TMEM26: variants seen among roughly 807,000 people sequenced by gnomAD.
TMEM26 encodes transmembrane protein 26.
In TMEM26, 38 loss-of-function variants were observed where a neutral mutation model predicts 28.8. That is an observed-to-expected ratio of 1.32 (90% confidence interval 1.02 to 1.73). TMEM26 has a LOEUF of 1.73. TMEM26 is among the 40% of genes most tolerant of loss of function. TMEM26 has a pLI of 0.00. For synonymous variants in TMEM26, 227 were observed against 182.9 expected, an observed-to-expected ratio of 1.24 and a Z score of -1.95; for missense variants, 518 against 447.1, an observed-to-expected ratio of 1.16 and a Z score of -1.43.
intron 4 of TMEM26, chr10:61,414,932 T>A (rs1839626383): frequency 1.0e-6 from 1 of 955,104 alleles, no homozygotes; most frequent in Non-Finnish European, 1.2e-6. Flanking sequence ...ATATTCCAGG[T>A]GTGAATACTG....
intron 4 of TMEM26, among the ~76,000 whole-genome samples, chr10:61,417,755 G>A (rs376615682): frequency 6.6e-6 from 1 of 151,940 alleles, no homozygotes; most frequent in African/African-American, 2.4e-5. Flanking sequence ...ACTGCACAAA[G>A]TGATCTCCAA....
chr10:61,423,598 G>T (rs546386301), intron 4 of TMEM26, among the ~76,000 whole-genome samples: 1 of 152,144 alleles, frequency 6.6e-6, no homozygotes, highest in East Asian at 1.9e-4. Context: ...CAAATTAGCC[G>T]GTGAGGGCCT....
intron 1 of TMEM26, among the ~76,000 whole-genome samples, chr10:61,444,037 C>T (rs1166524378): frequency 1.3e-5 from 2 of 152,132 alleles, no homozygotes; most frequent in African/African-American, 4.8e-5. Context: ...ACCTGAAAAG[C>T]ACATCTTTCT....
rs1262403119 is a variant in TMEM26 at position 61,429,048 on chromosome 10, C to A, written c.483G>T (p.Trp161Cys). ...TGATCCCGCCTCCAATGGGTAGAAG[C>A]CATCTTCCAATTATTAGCATTAACA... ...TFLLMLIIGR[W>C]LLPIGGGITR... Residue 161 changes from tryptophan (W) to cysteine (C), a missense_variant, in exon 4 of 6, where the codon TGG becomes TGT. Transcript: ENST00000399298. 3 of 1,613,346 alleles carry A rather than the reference C, an allele frequency of 1.9e-6. No individual in the cohort carries two copies. In the Admixed American group the frequency reaches 5.0e-5, roughly 27 times the overall value.
At chr10:61,428,358 A>C (rs938408343) in intron 4 of TMEM26, among the ~76,000 whole-genome samples, 2 of 152,114 alleles carry the variant, frequency 1.3e-5, no homozygotes, top group Admixed American at 6.6e-5. Context: ...AGGCCTCTAC[A>C]CCAGAAAGCC....
Position 61,420,141 on chromosome 10 carries a change from GTAT to G in TMEM26, c.606-6609_606-6607del, listed in dbSNP as rs1214475690. ...TTAACACATATTTTGTATGTTATAT[GTAT>G]TACACACTTTATTTTTATAATAAAG... On this transcript the variant is annotated intron_variant, in intron 4 of 5. Coordinates refer to ENST00000399298, the MANE Select transcript of TMEM26 (RefSeq NM_178505.8). 3.7e-3 allele frequency among the ~76,000 whole-genome samples: 567 copies of G among 152,222 alleles called. 3 individuals carry two copies. The highest frequency in any genetic ancestry group is 0.013 in the African/African-American group (543 of 41,532).
chr10:61,410,705 A>G lies in TMEM26; in HGVS notation c.724T>C (p.Phe242Leu), dbSNP rs771645159. ...VCPVSVTERG[F>L]PSLFFCQYSA... ...TACTGGCAAAAGAACAGGCTGGGGA[A>G]TCCCCTCTCTGTCACAGACACAGGG... The change falls in exon 6 of 6, where the codon TTC becomes CTC. Residue 242 changes from phenylalanine to leucine, a missense_variant. Phe to Leu is a conservative substitution (Grantham distance 22). Coordinates refer to ENST00000399298, the MANE Select transcript of TMEM26 (RefSeq NM_178505.8). The G allele has an allele frequency of 1.9e-6, 3 of 1,614,100 alleles. No homozygotes were observed. The highest frequency in any genetic ancestry group is 2.5e-6 in the Non-Finnish European group (3 of 1,179,996).
chr10:61,433,068 C>T (rs549866745), intron 2 of TMEM26, among the ~76,000 whole-genome samples: 5 of 152,128 alleles, frequency 3.3e-5, no homozygotes, highest in Admixed American at 1.3e-4. Context: ...TTAAAAATGG[C>T]GACCTTAATA....
Position 61,410,467 on chromosome 10 carries a change from C to T in TMEM26, c.962G>A (p.Gly321Asp), listed in dbSNP as rs774710544. Reference protein sequence around the residue: ...VRASLRSQSEGLKGEHGCRAQ... With the variant: ...VRASLRSQSEDLKGEHGCRAQ... ...CCGGCAACCATGTTCTCCTTTCAGG[C>T]CTTCTGACTGACTTCTCAACGAAGC... Residue 321 changes from glycine to aspartate, a missense_variant, in exon 6 of 6, where the codon GGC becomes GAC. Coordinates refer to ENST00000399298, the MANE Select transcript of TMEM26 (RefSeq NM_178505.8). 6.2e-7 allele frequency: 1 copy of T among 1,614,120 alleles called. No homozygotes were observed. The highest frequency in any genetic ancestry group is 8.5e-7 in the Non-Finnish European group (1 of 1,180,028).
chr10:61,414,077 A>T, intron 4 of TMEM26: 1 of 985,138 alleles, frequency 1.0e-6, no homozygotes, highest in Non-Finnish European at 1.2e-6. Context: ...GACATAAAGC[A>T]AGGAATAAGC....
At chr10:61,424,920 A>G (rs1475521103) in intron 4 of TMEM26, among the ~76,000 whole-genome samples, 2 of 152,242 alleles carry the variant, frequency 1.3e-5, no homozygotes, top group South Asian at 4.1e-4. Flanking sequence ...CTCCCACTGT[A>G]CACAAAAATT....
At chr10:61,451,511 C>A (rs907847400) in intron 1 of TMEM26, among the ~76,000 whole-genome samples, 2 of 152,194 alleles carry the variant, frequency 1.3e-5, no homozygotes, top group African/African-American at 2.4e-5. Context: ...GTTATATGAC[C>A]TGCTGAGTGA....
intron 1 of TMEM26, among the ~76,000 whole-genome samples, 173 bp from the exon 2 acceptor site, chr10:61,436,421 T>C (rs758012974): frequency 6.6e-6 from 1 of 152,194 alleles, no homozygotes; most frequent in Non-Finnish European, 1.5e-5. Context: ...TTATGTGATT[T>C]CTGCCATATG....
At chr10:61,411,838 C>T (rs531466591) in intron 5 of TMEM26, among the ~76,000 whole-genome samples, 2 of 152,182 alleles carry the variant, frequency 1.3e-5, no homozygotes, top group African/African-American at 4.8e-5. Flanking sequence ...CTGGAGCCTG[C>T]AAATATTATG....
rs756796994 is a variant in TMEM26 at position 61,410,618 on chromosome 10, C to A, written c.811G>T (p.Val271Leu). Reference sequence around the variant, plus strand: ...AAATAGGTCATCAGTATGAGACGCACGACAAGGAAGGGGCCATCTTGTATG... The same window carrying A: ...AAATAGGTCATCAGTATGAGACGCAAGACAAGGAAGGGGCCATCTTGTATG... ...VFIQDGPFLV[V>L]RLILMTYFKV... The change falls in exon 6 of 6, where the codon GTG becomes TTG. Residue 271 changes from valine to leucine, a missense_variant. By Grantham distance (32) the Val-to-Leu change is conservative. Coordinates refer to ENST00000399298, the MANE Select transcript of TMEM26 (RefSeq NM_178505.8). 7 of 1,614,034 alleles carry A rather than the reference C, an allele frequency of 4.3e-6. No homozygotes were observed. Among genetic ancestry groups the A allele is most frequent in the Admixed American group, 1.7e-5 (1 of 60,008 alleles).
At chr10:61,413,080 A>G in intron 5 of TMEM26, 1 of 650,324 alleles carries the variant, frequency 1.5e-6, no homozygotes, top group Non-Finnish European at 2.3e-6. Flanking sequence ...CAAACTGTAT[A>G]TTACTGAGTC....
chr10:61,415,338 T>G (rs1298195956), intron 4 of TMEM26, among the ~76,000 whole-genome samples: 1 of 152,130 alleles, frequency 6.6e-6, no homozygotes. Context: ...TCTAAAATTT[T>G]AAGTGGAAAT....
At chr10:61,414,234 T>G (rs1466626850) in intron 4 of TMEM26, 1 of 200,458 alleles carries the variant, frequency 5.0e-6, no homozygotes, top group African/African-American at 2.4e-5. Context: ...AAAATGGTCA[T>G]GAAGGCTAAA....
chr10:61,417,343 C>T (rs1839669487), intron 4 of TMEM26, among the ~76,000 whole-genome samples: 1 of 151,838 alleles, frequency 6.6e-6, no homozygotes, highest in Admixed American at 6.6e-5. Context: ...TATCAGCACA[C>T]TCAATATGGT....
Sources: gnomAD v4.1 joint callset for allele counts (sites outside exome capture counted in the v4.1 genomes callset) on GRCh38, gnomAD v4.1.1 for gene constraint, MANE v1.5 for transcripts, NCBI Gene and HGNC (gene_info 2026-07-23, HGNC 2026-07-21) for gene names.